Variants in OSBPL10 observed in about 807,000 individuals in gnomAD.
The protein encoded by OSBPL10 is oxysterol binding protein like 10.
Under a neutral mutation model 81.7 loss-of-function variants are expected in OSBPL10, and 49 were observed. The ratio of observed to expected loss-of-function variants is 0.60; its 90% CI spans 0.48 to 0.76. OSBPL10 has a LOEUF of 0.76. OSBPL10 is among the 30% of genes least tolerant of loss of function. The pLI, the probability that OSBPL10 is intolerant of heterozygous loss-of-function variation, is 0.00. For missense variants in OSBPL10, 923 were observed against 987.8 expected, an observed-to-expected ratio of 0.93 and a Z score of 0.88; for synonymous variants, 419 against 383.6, an observed-to-expected ratio of 1.09 and a Z score of -1.08.
chr3:31,760,501 A>T (rs1698002342), intron 4 of OSBPL10, among the ~76,000 whole-genome samples: 1 of 152,222 alleles, frequency 6.6e-6, no homozygotes, highest in Non-Finnish European at 1.5e-5. Flanking sequence ...CACCTAATAC[A>T]ACGTAAATTC....
intron 3 of OSBPL10, among the ~76,000 whole-genome samples, chr3:31,850,603 C>G (rs1700740911): frequency 6.6e-6 from 1 of 152,108 alleles, no homozygotes; most frequent in African/African-American, 2.4e-5. Context: ...AAATTTCACT[C>G]TCCATAGAAA....
At chr3:31,925,766 T>C (rs750466509) in intron 1 of OSBPL10, among the ~76,000 whole-genome samples, 4 of 152,152 alleles carry the variant, frequency 2.6e-5, no homozygotes, top group Non-Finnish European at 5.9e-5. Context: ...TGAGCCGAGA[T>C]TGTGCCACTG....
In OSBPL10 at chr3:31,702,381, T is replaced by C. The variant is rs1695922966; in HGVS notation, c.1223A>G (p.Lys408Arg). 1 of 1,614,094 alleles carries C rather than the reference T, an allele frequency of 6.2e-7. No individual in the cohort carries two copies. The highest frequency in any genetic ancestry group is 8.5e-7 in the Non-Finnish European group (1 of 1,179,984). ...SIILHLISQL[K>R]LGMDLTKVVL... ...TACCTTGGTCAAATCCATTCCAAGT[T>C]TGAGTTGTGAAATGAGATGAAGAAT... The change falls in exon 7 of 12, where the codon AAA becomes AGA. Residue 408 changes from lysine to arginine, a missense_variant. Physicochemically the swap from Lys to Arg is conservative, Grantham distance 26. Coordinates refer to ENST00000396556, the MANE Select transcript of OSBPL10 (RefSeq NM_017784.5).
chr3:31,769,451 AAAAAAAAC>A lies in OSBPL10; in HGVS notation c.730-21339_730-21332del, dbSNP rs1438242863. On this transcript the variant is annotated intron_variant, in intron 4 of 11. Coordinates refer to ENST00000396556, the MANE Select transcript of OSBPL10 (RefSeq NM_017784.5). ...CAAGAGCAAAACTCCATCTCAAAAA[AAAAAAAAC>A]AAAAAAAAAACAAAAAAAAACAGAA... is the stretch of plus-strand genomic sequence containing the variant. Among the ~76,000 whole-genome samples, 86 of 85,840 alleles carry A rather than the reference AAAAAAAAC, an allele frequency of 1.0e-3. 25 individuals carry two copies. The highest frequency in any genetic ancestry group is 1.6e-3 in the Non-Finnish European group (67 of 43,050). 56.3% of individuals were successfully genotyped at this position (85,840 alleles called of 152,430 possible).
At chr3:32,074,277 T>C (rs1281061726) in intron 1 of OSBPL10, among the ~76,000 whole-genome samples, 1 of 152,144 alleles carries the variant, frequency 6.6e-6, no homozygotes, top group Non-Finnish European at 1.5e-5. Context: ...TACGGCACCT[T>C]TCTCCTTATG....
intron 1 of OSBPL10, among the ~76,000 whole-genome samples, chr3:31,916,987 C>T (rs1696774195): frequency 6.6e-6 from 1 of 152,126 alleles, no homozygotes; most frequent in African/African-American, 2.4e-5. Flanking sequence ...TTCAAAAAAT[C>T]GATTTCAAGC....
chr3:31,978,745 A>C (rs1403925772), intron 1 of OSBPL10, among the ~76,000 whole-genome samples: 1 of 152,240 alleles, frequency 6.6e-6, no homozygotes, highest in Non-Finnish European at 1.5e-5. Flanking sequence ...AACTCAATAA[A>C]GATGAGACAT....
intron 1 of OSBPL10, among the ~76,000 whole-genome samples, chr3:31,975,821 C>CT (rs776306437): frequency 6.6e-6 from 1 of 152,204 alleles, no homozygotes; most frequent in Non-Finnish European, 1.5e-5. Context: ...TTTGACAATA[C>CT]TTACTCTACC....
intron 5 of OSBPL10, among the ~76,000 whole-genome samples, chr3:31,741,742 C>T (rs1402247808): frequency 6.6e-6 from 1 of 152,238 alleles, no homozygotes; most frequent in Non-Finnish European, 1.5e-5. Context: ...CAAATCTCAT[C>T]TTGTACCTCC....
intron 2 of OSBPL10, among the ~76,000 whole-genome samples, chr3:32,029,254 GGCCCTCTTCCAA>G (rs1040165586): frequency 3.3e-5 from 5 of 152,094 alleles, no homozygotes; most frequent in African/African-American, 1.2e-4. Context: ...TTGCCTGCCA[GGCCCTCTTCCAA>G]GTGTACTTTC....
rs149194348 is a variant in OSBPL10 at position 31,921,878 on chromosome 3, T to C, written c.282-42048A>G. Among the ~76,000 whole-genome samples the C allele has an allele frequency of 2.2e-3, 334 of 152,334 alleles. 1 individual carries two copies. The highest frequency in any genetic ancestry group is 7.8e-3 in the African/African-American group (324 of 41,580). Reference sequence around the variant, plus strand: ...ACAATTACAAATCATGTTGATAGTATGTACCCTTGATATGATGTGATAAAA... The same window carrying C: ...ACAATTACAAATCATGTTGATAGTACGTACCCTTGATATGATGTGATAAAA... On this transcript the variant is annotated intron_variant, in intron 1 of 11. Transcript: ENST00000396556.
chr3:32,072,703 G>A (rs190649516), intron 1 of OSBPL10, among the ~76,000 whole-genome samples: 43 of 152,206 alleles, frequency 2.8e-4, no homozygotes, highest in Admixed American at 2.5e-3. Flanking sequence ...CATCAAGCTC[G>A]GGGATTCACC....
intron 4 of OSBPL10, among the ~76,000 whole-genome samples, chr3:31,823,891 ACCTAGGCTG>A (rs2125513321): frequency 6.6e-6 from 1 of 151,060 alleles, no homozygotes; most frequent in East Asian, 2.0e-4. Context: ...TGGCTCTATC[ACCTAGGCTG>A]CAGTGCAGTG....
chr3:31,794,614 G>A, intron 4 of OSBPL10: 3 of 348,598 alleles, frequency 8.6e-6, no homozygotes, highest in South Asian at 3.3e-5. Context: ...GAAGAACCTG[G>A]CACTTTTATC....
intron 6 of OSBPL10, among the ~76,000 whole-genome samples, chr3:31,708,411 C>T (rs1350181872): frequency 6.6e-6 from 1 of 152,178 alleles, no homozygotes; most frequent in African/African-American, 2.4e-5. Context: ...AGTGACATTT[C>T]TTAAGAAGCC....
At chr3:31,679,522 A>G (rs929202123) in intron 8 of OSBPL10, among the ~76,000 whole-genome samples, 2 of 152,232 alleles carry the variant, frequency 1.3e-5, no homozygotes, top group Non-Finnish European at 1.5e-5. Flanking sequence ...TGTTACCGAT[A>G]AGGAGGTAAA....
chr3:32,050,793 C>G (rs1699664021), intron 1 of OSBPL10, among the ~76,000 whole-genome samples: 1 of 151,806 alleles, frequency 6.6e-6, no homozygotes, highest in South Asian at 2.1e-4. Context: ...TCCCAAGTAG[C>G]TAGAATTACA....
chr3:31,992,103 C>T (rs11711041), intron 2 of OSBPL10, among the ~76,000 whole-genome samples: 1 of 149,468 alleles, frequency 6.7e-6, no homozygotes, highest in African/African-American at 2.5e-5. Flanking sequence ...CCAGGATCGC[C>T]CCACTGCACT....
chr3:31,737,879 C>T (rs1223919664), intron 5 of OSBPL10, among the ~76,000 whole-genome samples: 2 of 152,012 alleles, frequency 1.3e-5, no homozygotes, highest in Admixed American at 6.6e-5. Flanking sequence ...GTAATCCCAG[C>T]TACTCGGGAG....
Sources: allele counts gnomAD v4.1 joint callset (sites outside exome capture counted in the v4.1 genomes callset), GRCh38; gene constraint gnomAD v4.1.1; transcripts MANE v1.5; gene names NCBI Gene and HGNC (gene_info 2026-07-23, HGNC 2026-07-21).